OSBPL9: variants seen among roughly 807,000 people sequenced by gnomAD.
OSBPL9 encodes the protein oxysterol binding protein like 9, also known as oxysterol-binding protein-related protein 9.
In OSBPL9, 40 loss-of-function variants were observed where a neutral mutation model predicts 106.6. That is an observed-to-expected ratio of 0.38 (90% CI 0.29 to 0.49). OSBPL9 has a LOEUF of 0.49. Among genes scored for constraint, OSBPL9 ranks in the 20% least tolerant of loss-of-function variants. OSBPL9 has a pLI of 0.97. For synonymous variants in OSBPL9, 269 were observed against 295.4 expected (o/e 0.91, Z 0.92); for missense variants, 609 against 887.2 (o/e 0.69, Z 3.98).
intron 2 of OSBPL9, among the ~76,000 whole-genome samples, chr1:51,600,244 G>C (rs910806166): frequency 1.3e-5 from 2 of 152,136 alleles, no homozygotes; most frequent in African/African-American, 4.8e-5. Context: ...TATGAACCTA[G>C]CACTAAGAGA....
chr1:51,605,475 C>T (rs993278053), intron 2 of OSBPL9, among the ~76,000 whole-genome samples: 2 of 151,996 alleles, frequency 1.3e-5, no homozygotes, highest in Non-Finnish European at 2.9e-5. Context: ...ATGACAGACA[C>T]TTTAATGGAG....
chr1:51,582,530 A>G (rs1005701700), intron 1 of OSBPL9, among the ~76,000 whole-genome samples: 7 of 152,030 alleles, frequency 4.6e-5, no homozygotes, highest in Admixed American at 1.3e-4. Flanking sequence ...GGGTTTCACC[A>G]TGTTGGCCAG....
At chr1:51,545,897 T>C in the OSBPL9 span, among the ~76,000 whole-genome samples, 3 of 152,292 alleles carry the variant, frequency 2.0e-5, no homozygotes, top group East Asian at 3.9e-4. Flanking sequence ...TTCTACATCG[T>C]ATAAGAGTAG....
intron 4 of OSBPL9, among the ~76,000 whole-genome samples, chr1:51,728,337 CT>C (rs1663503912): frequency 6.6e-6 from 1 of 152,126 alleles, no homozygotes; most frequent in African/African-American, 2.4e-5. Flanking sequence ...TTCAAGAAGA[CT>C]TTAGTAAGAT....
intron 20 of OSBPL9, chr1:51,785,313 GGTCTGT>G (rs576275161): frequency 6.4e-6 from 1 of 156,194 alleles, no homozygotes; most frequent in East Asian, 1.9e-4. Flanking sequence ...TCCAAGTAGA[GGTCTGT>G]TACGGCTTTT....
At chr1:51,547,065 C>T in the OSBPL9 span, among the ~76,000 whole-genome samples, 1 of 152,162 alleles carries the variant, frequency 6.6e-6, no homozygotes, top group Non-Finnish European at 1.5e-5. Context: ...TGGACTGGTA[C>T]AGCCACTGTG....
rs188213232 is a variant in OSBPL9 at position 51,604,417 on chromosome 1, A to G, written c.-353+6224A>G. On this transcript the variant is annotated intron_variant, in intron 2 of 25. Transcript: ENST00000371714. ...CTAAAAATACAAAAATCAGCCAGGC[A>G]TGGTGGTGGGCGCCTGTAATCCCAG... is the stretch of plus-strand genomic sequence containing the variant. Among the ~76,000 whole-genome samples the G allele has an allele frequency of 5.0e-3, 752 of 151,890 alleles. 2 individuals are homozygous for G. Among genetic ancestry groups the G allele is most frequent in the Middle Eastern group, 0.024 (7 of 294 alleles).
intron 3 of OSBPL9, among the ~76,000 whole-genome samples, chr1:51,676,157 G>A (rs1252794678): frequency 2.0e-5 from 3 of 152,034 alleles, no homozygotes; most frequent in Non-Finnish European, 4.4e-5. Context: ...ACATTTATCA[G>A]AAAAGGAATT....
At chr1:51,538,357 A>T in the OSBPL9 span, among the ~76,000 whole-genome samples, 2 of 152,218 alleles carry the variant, frequency 1.3e-5, no homozygotes, top group Non-Finnish European at 2.9e-5. Context: ...CCATTCTGCT[A>T]ACAAAAACAA....
intron 1 of OSBPL9, among the ~76,000 whole-genome samples, chr1:51,627,209 C>A (rs894449527): frequency 1.3e-5 from 2 of 152,014 alleles, no homozygotes; most frequent in Non-Finnish European, 2.9e-5. Flanking sequence ...CCATGTTGCT[C>A]ACACTGTTCT....
At chr1:51,706,463 T>C (rs1658556593) in intron 3 of OSBPL9, among the ~76,000 whole-genome samples, 1 of 152,098 alleles carries the variant, frequency 6.6e-6, no homozygotes, top group Non-Finnish European at 1.5e-5. Flanking sequence ...CATGTTTGTG[T>C]TGTCTTCGTC....
intron 8 of OSBPL9, among the ~76,000 whole-genome samples, chr1:51,754,998 G>A (rs918559807): frequency 9.2e-5 from 14 of 152,054 alleles, no homozygotes; most frequent in African/African-American, 1.2e-4. Context: ...GTAGAGACAG[G>A]GTCTTGCTTT....
chr1:51,676,435 A>G (rs1651224762), intron 3 of OSBPL9, among the ~76,000 whole-genome samples: 1 of 152,050 alleles, frequency 6.6e-6, no homozygotes, highest in African/African-American at 2.4e-5. Flanking sequence ...TTCTCAAAAA[A>G]AAACGGAATT....
intron 1 of OSBPL9, among the ~76,000 whole-genome samples, chr1:51,624,816 A>G (rs1037172537): frequency 5.9e-5 from 9 of 152,196 alleles, no homozygotes; most frequent in African/African-American, 2.2e-4. Flanking sequence ...ATCTGCTACA[A>G]TTAACTAAAT....
chr1:51,673,383 A>G (rs1306525240), intron 3 of OSBPL9, among the ~76,000 whole-genome samples: 1 of 152,240 alleles, frequency 6.6e-6, no homozygotes, highest in East Asian at 1.9e-4. Context: ...ATATAGCAGT[A>G]ACCGGAAGGG....
intron 22 of OSBPL9, 46 bp downstream of exon 22, chr1:51,786,663 T>G (rs748127863): frequency 1.3e-6 from 2 of 1,522,712 alleles, no homozygotes; most frequent in Non-Finnish European, 1.8e-6. Context: ...GTGCTTAAAC[T>G]TTGCCTAGGC....
intron 3 of OSBPL9, among the ~76,000 whole-genome samples, chr1:51,696,537 A>G (rs1656047996): frequency 6.6e-6 from 1 of 152,198 alleles, no homozygotes; most frequent in African/African-American, 2.4e-5. Context: ...CTCTTTCTGC[A>G]CGTAAGATAA....
At chr1:51,556,803 G>A in the OSBPL9 span, among the ~76,000 whole-genome samples, 1 of 127,378 alleles carries the variant, frequency 7.9e-6, no homozygotes, top group African/African-American at 2.6e-5. Flanking sequence ...CAAAAAAAAA[G>A]TATATATATA....
At chr1:51,565,025 C>T in the OSBPL9 span, among the ~76,000 whole-genome samples, 2 of 152,250 alleles carry the variant, frequency 1.3e-5, no homozygotes, top group East Asian at 3.9e-4. Context: ...TGCCTTAATT[C>T]CCTTACTACA....
Sources: gnomAD v4.1 joint callset for allele counts (sites outside exome capture counted in the v4.1 genomes callset) on GRCh38, gnomAD v4.1.1 for gene constraint, MANE v1.5 for transcripts, NCBI Gene and HGNC (gene_info 2026-07-23, HGNC 2026-07-21) for gene names.